Variants in SPMIP11 observed in about 807,000 individuals in gnomAD.
The protein encoded by SPMIP11 is long intergenic non-protein coding RNA 935.
At chr12:48,737,127 T>A in the SPMIP11 span, among the ~76,000 whole-genome samples, 1 of 151,966 alleles carries the variant, frequency 6.6e-6, no homozygotes, top group Non-Finnish European at 1.5e-5. Context: ...TTTTTTGTAT[T>A]TTTTCTAGAG....
chr12:48,737,850 T>G, the SPMIP11 span, among the ~76,000 whole-genome samples: 1 of 151,886 alleles, frequency 6.6e-6, no homozygotes, highest in African/African-American at 2.4e-5. Context: ...TGAGACAGGG[T>G]CCTGCTCTGT....
chr12:48,759,023 A>G, the SPMIP11 span, among the ~76,000 whole-genome samples: 1 of 152,174 alleles, frequency 6.6e-6, no homozygotes, highest in Non-Finnish European at 1.5e-5. Context: ...AGGTCTTGTG[A>G]TCACTGTGTT....
At chr12:48,753,770 C>T in the SPMIP11 span, among the ~76,000 whole-genome samples, 1 of 141,550 alleles carries the variant, frequency 7.1e-6, no homozygotes, top group South Asian at 2.4e-4. Flanking sequence ...GGCGCAATAT[C>T]GGCTCACTGC....
chr12:48,737,803 T>C, the SPMIP11 span, among the ~76,000 whole-genome samples: 1 of 152,030 alleles, frequency 6.6e-6, no homozygotes, highest in African/African-American at 2.4e-5. Flanking sequence ...CTAACATTAA[T>C]CTTGATATTA....
the SPMIP11 span, among the ~76,000 whole-genome samples, chr12:48,760,613 G>A: frequency 3.3e-5 from 5 of 151,962 alleles, no homozygotes; most frequent in African/African-American, 7.3e-5. Context: ...TGCAACCTCC[G>A]CCTCCCTTGT....
the SPMIP11 span, among the ~76,000 whole-genome samples, chr12:48,753,741 G>A: frequency 3.1e-5 from 4 of 127,882 alleles, no homozygotes; most frequent in Non-Finnish European, 6.2e-5. Context: ...TCACTCTGTC[G>A]CCCAGGCTGG....
the SPMIP11 span, among the ~76,000 whole-genome samples, chr12:48,740,171 T>A: frequency 6.6e-6 from 1 of 152,152 alleles, no homozygotes; most frequent in Non-Finnish European, 1.5e-5. Flanking sequence ...AAAACTTTTC[T>A]TGCTAATGTA....
At chr12:48,757,654 A>AT in the SPMIP11 span, among the ~76,000 whole-genome samples, 32 of 34,026 alleles carry the variant, frequency 9.4e-4, no homozygotes, top group African/African-American at 1.7e-3. Context: ...TCAAAAAAAT[A>AT]AAAATAAAAA....
the SPMIP11 span, among the ~76,000 whole-genome samples, chr12:48,743,929 G>A: frequency 2.6e-4 from 18 of 68,076 alleles, no homozygotes; most frequent in African/African-American, 9.8e-4. Context: ...GCAAGACTTC[G>A]TCTCAAAAAA....
the SPMIP11 span, among the ~76,000 whole-genome samples, chr12:48,760,122 G>C: frequency 1.3e-5 from 2 of 151,700 alleles, no homozygotes; most frequent in Non-Finnish European, 2.9e-5. Flanking sequence ...AATTAGACTT[G>C]GAAGCAGAAG....
the SPMIP11 span, among the ~76,000 whole-genome samples, chr12:48,730,312 G>C: frequency 6.6e-6 from 1 of 152,140 alleles, no homozygotes; most frequent in Non-Finnish European, 1.5e-5. Flanking sequence ...TCTGGTGACA[G>C]AAAATCAGAG....
the SPMIP11 span, among the ~76,000 whole-genome samples, chr12:48,746,798 G>A: frequency 6.6e-6 from 1 of 151,020 alleles, no homozygotes; most frequent in Non-Finnish European, 1.5e-5. Context: ...GTGCATGCCT[G>A]TAATCCCAGC....
At chr12:48,729,479 A>T in the SPMIP11 span, among the ~76,000 whole-genome samples, 1 of 151,988 alleles carries the variant, frequency 6.6e-6, no homozygotes, top group East Asian at 1.9e-4. Flanking sequence ...GGTTGCAGTG[A>T]GCTGAGATTG....
the SPMIP11 span, among the ~76,000 whole-genome samples, chr12:48,733,606 T>C: frequency 4.0e-4 from 61 of 152,202 alleles, no homozygotes; most frequent in African/African-American, 1.4e-3. Context: ...TCCCCTTGTC[T>C]AGCATATTCA....
the SPMIP11 span, among the ~76,000 whole-genome samples, chr12:48,756,430 T>A: frequency 3.8e-4 from 58 of 152,272 alleles, 1 homozygote; most frequent in South Asian, 0.012. Context: ...CCCACTCTGG[T>A]GGTACCATTA....
the SPMIP11 span, among the ~76,000 whole-genome samples, chr12:48,731,811 A>G: frequency 1.3e-5 from 2 of 152,162 alleles, no homozygotes; most frequent in Non-Finnish European, 2.9e-5. Context: ...CAACTACTAT[A>G]TGCAAATACC....
chr12:48,751,082 G>GT, the SPMIP11 span, among the ~76,000 whole-genome samples: 19 of 151,164 alleles, frequency 1.3e-4, no homozygotes, highest in African/African-American at 2.7e-4. Flanking sequence ...AGAACGATAG[G>GT]TTTTTTTTTC....
At chr12:48,771,096 C>T in the SPMIP11 span, 1 of 940,162 alleles carries the variant, frequency 1.1e-6, no homozygotes, top group South Asian at 1.6e-5. The surrounding 1 kb of genome is among the most constrained non-coding windows in gnomAD (Gnocchi z 4.3). Flanking sequence ...CCCCTTCCAG[C>T]TGCTGCTATC....
the SPMIP11 span, among the ~76,000 whole-genome samples, chr12:48,748,899 T>G: frequency 1.3e-5 from 2 of 152,202 alleles, no homozygotes; most frequent in Non-Finnish European, 2.9e-5. Context: ...AGATCCCATT[T>G]CTTTTTGCCT....
Sources: gnomAD v4.1 joint callset for allele counts (sites outside exome capture counted in the v4.1 genomes callset) on GRCh38, gnomAD v4.1.1 for gene constraint, Gnocchi (gnomAD v3.1) non-coding constraint, MANE v1.5 for transcripts, NCBI Gene and HGNC (gene_info 2026-07-23, HGNC 2026-07-21) for gene names.